The following GOLGA1 variants were observed in gnomAD, a reference collection of about 807,000 sequenced individuals.
GOLGA1 encodes golgin A1.
In GOLGA1, 63 loss-of-function variants were observed where a neutral mutation model predicts 119.7. That is an observed-to-expected ratio of 0.53 (90% CI 0.43 to 0.65). The LOEUF is 0.65. GOLGA1 is among the 30% of genes least tolerant of loss of function. The pLI is 0.00. For synonymous variants in GOLGA1, 318 were observed against 333.4 expected (o/e 0.95, Z 0.50); for missense variants, 798 against 912.8 (o/e 0.87, Z 1.62).
intron 3 of GOLGA1, among the ~76,000 whole-genome samples, chr9:124,937,945 T>C (rs1830910594): frequency 6.6e-6 from 1 of 151,826 alleles, no homozygotes; most frequent in South Asian, 2.1e-4. Flanking sequence ...TAGCCAGGCA[T>C]GGTGGAACAC....
At position 124,937,847 on chromosome 9, in the gene GOLGA1, C is replaced by T. The variant is rs1044344952; in HGVS notation, c.135+730G>A. ...CCTGTAATCCCAGCACTTTGGGAGG[C>T]CAAGGTGGGCGGATCGCCTGAGCTC... is the stretch of plus-strand genomic sequence containing the variant. On this transcript the variant is annotated intron_variant, in intron 3 of 22. Transcript: ENST00000373555. Among the ~76,000 whole-genome samples the T allele has an allele frequency of 2.6e-5, 4 of 151,994 alleles. No individual in the cohort carries two copies. In the East Asian group the frequency reaches 7.7e-4, roughly 29 times the overall value.
rs531077934 is a variant in GOLGA1, at chr9:124,938,497, G to T, written c.135+80C>A. The T allele has an allele frequency of 3.3e-5, 39 of 1,183,240 alleles. 1 individual carries two copies. The highest frequency in any genetic ancestry group is 5.3e-4 in the Middle Eastern group (2 of 3,768). The allele number at this position is 1,183,240 out of a possible 1,614,324, so 73.3% of individuals were successfully genotyped here. ...TACAGCTATAAACCATGAAAGGTATGAAATAATCAAGCAATTTAAAATATT... is the reference window on the plus strand; with the variant it reads ...TACAGCTATAAACCATGAAAGGTATTAAATAATCAAGCAATTTAAAATATT... On this transcript the variant is annotated intron_variant, in intron 3 of 22. Coordinates refer to ENST00000373555, the MANE Select transcript of GOLGA1 (RefSeq NM_002077.4).
chr9:124,901,987 T>C (rs1328738986), intron 12 of GOLGA1, among the ~76,000 whole-genome samples: 4 of 152,232 alleles, frequency 2.6e-5, no homozygotes, highest in Non-Finnish European at 5.9e-5. Flanking sequence ...GGACTCACTG[T>C]CTAGTACTGA....
At chr9:124,919,020 G>A (rs757576829) in intron 10 of GOLGA1, among the ~76,000 whole-genome samples, 5 of 151,954 alleles carry the variant, frequency 3.3e-5, no homozygotes, top group Non-Finnish European at 7.4e-5. Context: ...AGGCTGAGGC[G>A]GGTGGATTGC....
At chr9:124,909,203 C>T (rs189507607) in intron 11 of GOLGA1, among the ~76,000 whole-genome samples, 2 of 151,714 alleles carry the variant, frequency 1.3e-5, no homozygotes, top group East Asian at 1.9e-4. Context: ...ATCCCAGCTA[C>T]TTGGGAGGTT....
chr9:124,902,533 C>A (rs1728912619), intron 12 of GOLGA1, among the ~76,000 whole-genome samples: 1 of 151,836 alleles, frequency 6.6e-6, no homozygotes, highest in South Asian at 2.1e-4. Context: ...GTCGCCCAGG[C>A]TTGAGTGCAG....
intron 12 of GOLGA1, among the ~76,000 whole-genome samples, chr9:124,907,397 C>G (rs927463565): frequency 6.6e-6 from 1 of 152,158 alleles, no homozygotes; most frequent in African/African-American, 2.4e-5. Context: ...AGGGAAAAAA[C>G]AGTAGATCTC....
intron 15 of GOLGA1, among the ~76,000 whole-genome samples, chr9:124,893,637 C>T (rs978517736): frequency 1.3e-5 from 2 of 152,138 alleles, no homozygotes; most frequent in Non-Finnish European, 2.9e-5. Flanking sequence ...TTACTCCTAG[C>T]GTGTAGTCCT....
At chr9:124,931,582 T>C (rs1431552454) in intron 3 of GOLGA1, among the ~76,000 whole-genome samples, 176 bp from the exon 4 acceptor site, 2 of 152,326 alleles carry the variant, frequency 1.3e-5, no homozygotes, top group South Asian at 2.1e-4. Context: ...CTTCCTCTTA[T>C]AAAGTGAAGG....
At chr9:124,898,744 A>G in intron 14 of GOLGA1, 100 bp from the exon 15 acceptor site, 1 of 715,702 alleles carries the variant, frequency 1.4e-6, no homozygotes, top group Non-Finnish European at 2.4e-6. Context: ...GAGGAACAAT[A>G]TACATTTTAA....
chr9:124,929,324 T>C lies in GOLGA1; in HGVS notation c.227-34A>G, dbSNP rs369797080. ...AGGAGGGTGACGCACATACCAGAAA[T>C]GGACAAACATCAGGAAAGGAAGTTA... On this transcript the variant is annotated intron_variant, in intron 4 of 22. Transcript: ENST00000373555. 20 of 1,257,442 alleles carry C rather than the reference T, an allele frequency of 1.6e-5. No individual in the cohort carries two copies. The Admixed American group carries it at 2.4e-4, about 15-fold the overall frequency. The allele number at this position is 1,257,442 out of a possible 1,614,324, so 77.9% of individuals were successfully genotyped here. A position where few individuals can be genotyped will look rare whatever the true frequency, so the allele number is the denominator to read the frequency against.
chr9:124,934,570 T>C (rs1830829582), intron 3 of GOLGA1, among the ~76,000 whole-genome samples: 1 of 152,240 alleles, frequency 6.6e-6, no homozygotes, highest in Non-Finnish European at 1.5e-5. Context: ...TCAGTCTGGC[T>C]GTGGCACAGG....
At chr9:124,939,853 C>T (rs926324141) in intron 2 of GOLGA1, among the ~76,000 whole-genome samples, 7 of 152,202 alleles carry the variant, frequency 4.6e-5, no homozygotes, top group African/African-American at 4.8e-5. Flanking sequence ...TAAGCCACTG[C>T]GCCCGGCCTC....
intron 3 of GOLGA1, among the ~76,000 whole-genome samples, chr9:124,934,644 C>T (rs1054958654): frequency 6.6e-6 from 1 of 152,118 alleles, no homozygotes; most frequent in African/African-American, 2.4e-5. Context: ...TGACAGTTTA[C>T]CATTATGCTA....
Position 124,888,203 on chromosome 9 carries a change from G to T in GOLGA1, c.1905+50C>A. 6.3e-7 allele frequency: 1 copy of T among 1,577,844 alleles called. No homozygotes were observed. The highest frequency in any genetic ancestry group is 8.7e-7 in the Non-Finnish European group (1 of 1,147,794). On this transcript the variant is annotated intron_variant, in intron 19 of 22. Transcript: ENST00000373555. The surrounding 1 kb of genome is among the most constrained non-coding windows in gnomAD (Gnocchi z 4.4). ...ATGGACTGGGTCATTTTAGGCCTGA[G>T]GGTGAGGACCTGGTGGAGACAGAAA...
intron 10 of GOLGA1, among the ~76,000 whole-genome samples, chr9:124,917,974 T>A (rs1359421004): frequency 1.3e-5 from 2 of 152,130 alleles, no homozygotes; most frequent in African/African-American, 4.8e-5. Flanking sequence ...TGCCTCAGCC[T>A]CCCAAGTAGC....
intron 19 of GOLGA1, among the ~76,000 whole-genome samples, chr9:124,884,347 A>G (rs1267831782): frequency 6.6e-6 from 1 of 152,180 alleles, no homozygotes; most frequent in Non-Finnish European, 1.5e-5. Context: ...CTGAATGGTA[A>G]TATATCAAAA....
chr9:124,899,205 A>G, intron 14 of GOLGA1, 124 bp downstream of exon 14: 1 of 838,094 alleles, frequency 1.2e-6, no homozygotes, highest in Non-Finnish European at 1.8e-6. Flanking sequence ...CAAACAAAAA[A>G]AAAGCTGCCT....
chr9:124,941,684 C>T (rs1184675998), upstream of GOLGA1, among the ~76,000 whole-genome samples: 1 of 152,240 alleles, frequency 6.6e-6, no homozygotes, highest in African/African-American at 2.4e-5. Context: ...AGCAGAACCA[C>T]GTTCTTACTA....
Sources: allele counts gnomAD v4.1 joint callset (sites outside exome capture counted in the v4.1 genomes callset), GRCh38; gene constraint gnomAD v4.1.1; non-coding constraint Gnocchi (gnomAD v3.1); transcripts MANE v1.5; gene names NCBI Gene and HGNC (gene_info 2026-07-23, HGNC 2026-07-21).